Variants in NRG1 observed in about 807,000 individuals in gnomAD.
NRG1 encodes the protein pro-neuregulin-1, membrane-bound isoform.
Under a neutral mutation model 63.8 loss-of-function variants are expected in NRG1, and 18 were observed. The observed-to-expected ratio is 0.28, with a 90% CI of 0.19 to 0.42. The LOEUF is 0.42. Among genes scored for constraint, NRG1 ranks in the 10% least tolerant of loss-of-function variants. The pLI, the probability that NRG1 is intolerant of heterozygous loss-of-function variation, is 1.00. For synonymous variants in NRG1, 302 were observed against 301.3 expected (o/e 1.00, Z -0.02); for missense variants, 762 against 814.7 (o/e 0.94, Z 0.79).
intron 1 of NRG1, among the ~76,000 whole-genome samples, chr8:31,984,354 C>T (rs995365500): frequency 1.3e-5 from 2 of 152,018 alleles, no homozygotes; most frequent in African/African-American, 4.8e-5. Context: ...CCCACTTCTC[C>T]ATCTTAATGA....
At chr8:32,246,140 ACAGT>A (rs1472929261) in intron 1 of NRG1, among the ~76,000 whole-genome samples, 3 of 152,170 alleles carry the variant, frequency 2.0e-5, no homozygotes, top group Admixed American at 1.3e-4. Context: ...GATTTCTCTA[ACAGT>A]CAGGCAGGAA....
chr8:31,989,344 G>A (rs1810675255), intron 1 of NRG1, among the ~76,000 whole-genome samples: 1 of 150,408 alleles, frequency 6.6e-6, no homozygotes, highest in Admixed American at 6.7e-5. Flanking sequence ...CTTTTTAGCA[G>A]GAACATCACA....
intron 1 of NRG1, among the ~76,000 whole-genome samples, chr8:32,310,580 C>G (rs995829628): frequency 2.0e-5 from 3 of 152,180 alleles, no homozygotes; most frequent in Non-Finnish European, 4.4e-5. Flanking sequence ...TGAATTTCTT[C>G]CCTCATGTCT....
intron 1 of NRG1, among the ~76,000 whole-genome samples, chr8:32,199,800 G>A (rs1843319586): frequency 6.6e-6 from 1 of 151,096 alleles, no homozygotes; most frequent in Admixed American, 6.6e-5. Flanking sequence ...TTTTTTTTGA[G>A]TGGAGTTTCA....
chr8:32,387,195 G>T (rs1587284139), intron 1 of NRG1, among the ~76,000 whole-genome samples: 1 of 152,166 alleles, frequency 6.6e-6, no homozygotes, highest in South Asian at 2.1e-4. Flanking sequence ...GTAGGATATA[G>T]CAAGACACAT....
intron 1 of NRG1, among the ~76,000 whole-genome samples, chr8:32,055,783 G>A (rs753461543): frequency 2.0e-5 from 3 of 151,608 alleles, no homozygotes; most frequent in Non-Finnish European, 2.9e-5. Context: ...AGACTTGAAC[G>A]GGGACTGGCT....
At chr8:32,764,254 A>T in exon 12 of NRG1, 1 of 1,614,124 alleles carries the variant, frequency 6.2e-7, no homozygotes. Flanking sequence ...CTGGGCATAC[A>T]GAACCCCCTG....
chr8:31,951,458 G>A (rs1201328071), intron 1 of NRG1, among the ~76,000 whole-genome samples: 1 of 152,174 alleles, frequency 6.6e-6, no homozygotes, highest in East Asian at 1.9e-4. Context: ...GAAAAAAAAA[G>A]TCAATGGCTG....
intron 2 of NRG1, 25 bp from the exon 3 acceptor site, chr8:32,605,536 AC>A (rs897187963): frequency 6.2e-7 from 1 of 1,611,954 alleles, no homozygotes; most frequent in African/African-American, 1.3e-5. Flanking sequence ...ATATATACTG[AC>A]ACCACTTTGG....
At chr8:31,860,291 T>C (rs1267119628) in intron 1 of NRG1, among the ~76,000 whole-genome samples, 2 of 152,216 alleles carry the variant, frequency 1.3e-5, no homozygotes. Context: ...AGTACGTGTA[T>C]GATGATCATA....
intron 1 of NRG1, among the ~76,000 whole-genome samples, chr8:32,147,467 C>A (rs899994824): frequency 6.6e-6 from 1 of 152,154 alleles, no homozygotes; most frequent in African/African-American, 2.4e-5. Context: ...TTGCCCTGGG[C>A]AATTACCATA....
intron 5 of NRG1, among the ~76,000 whole-genome samples, chr8:32,671,150 TA>T (rs999226997): frequency 5.3e-5 from 8 of 150,420 alleles, no homozygotes; most frequent in Non-Finnish European, 5.9e-5. Context: ...TTTAGCAAAT[TA>T]AAAAAAAATT....
At chr8:32,744,312 C>T (rs910082862) in intron 7 of NRG1, among the ~76,000 whole-genome samples, 1 of 152,092 alleles carries the variant, frequency 6.6e-6, no homozygotes, top group Non-Finnish European at 1.5e-5. Flanking sequence ...ATATCAAAGA[C>T]AACTTCGTAG....
chr8:32,554,182 G>A (rs1268976937), intron 1 of NRG1, among the ~76,000 whole-genome samples: 1 of 152,126 alleles, frequency 6.6e-6, no homozygotes, highest in Non-Finnish European at 1.5e-5. Context: ...GCTTGAAAAC[G>A]GATTTCTTTT....
At chr8:32,730,371 T>G (rs1483674717) in intron 6 of NRG1, among the ~76,000 whole-genome samples, 1 of 152,106 alleles carries the variant, frequency 6.6e-6, no homozygotes, top group Non-Finnish European at 1.5e-5. Flanking sequence ...GGGGATCACT[T>G]GAGCCCGGAA....
At chr8:32,201,251 T>C (rs908708459) in intron 1 of NRG1, among the ~76,000 whole-genome samples, 21 of 152,184 alleles carry the variant, frequency 1.4e-4, no homozygotes, top group African/African-American at 3.9e-4. Context: ...TGGTCTTTTA[T>C]TGTTACTTTA....
At chr8:32,416,317 C>CCCTT (rs58884716) in intron 1 of NRG1, among the ~76,000 whole-genome samples, 1 of 145,850 alleles carries the variant, frequency 6.9e-6, no homozygotes, top group African/African-American at 2.6e-5. Flanking sequence ...CTCCCTCCCT[C>CCCTT]CCTTCCTTCC....
intron 1 of NRG1, among the ~76,000 whole-genome samples, chr8:32,044,055 CA>C: frequency 6.6e-6 from 1 of 151,706 alleles, no homozygotes; most frequent in South Asian, 2.1e-4. Flanking sequence ...ATGCTATGTA[CA>C]AAAAATCACT....
intron 1 of NRG1, among the ~76,000 whole-genome samples, chr8:32,398,926 G>GT (rs1381063233): frequency 6.6e-6 from 1 of 152,068 alleles, no homozygotes; most frequent in Non-Finnish European, 1.5e-5. Flanking sequence ...CAGAATATGA[G>GT]TTTTTTGAGA....
Sources: gnomAD v4.1 joint callset for allele counts (sites outside exome capture counted in the v4.1 genomes callset) on GRCh38, gnomAD v4.1.1 for gene constraint, MANE v1.5 for transcripts, NCBI Gene and HGNC (gene_info 2026-07-23, HGNC 2026-07-21) for gene names.